The following PDE10A variants were observed in gnomAD, a reference collection of about 807,000 sequenced individuals.
The protein encoded by PDE10A is phosphodiesterase 10A.
A neutral mutation model predicts 97.7 loss-of-function variants in PDE10A; 39 were observed. The observed-to-expected ratio is 0.40, with a 90% CI of 0.31 to 0.52. The LOEUF is 0.52. PDE10A is among the 20% of genes least tolerant of loss of function. The pLI, the probability that PDE10A is intolerant of heterozygous loss-of-function variation, is 0.56. For missense variants in PDE10A, 731 were observed against 1,047.8 expected (o/e 0.70, Z 4.17); for synonymous variants, 371 against 376.8 (o/e 0.98, Z 0.18).
At chr6:165,695,401 G>A (rs767729311) in intron 1 of PDE10A, among the ~76,000 whole-genome samples, 24 of 152,282 alleles carry the variant, frequency 1.6e-4, no homozygotes, top group Non-Finnish European at 2.9e-4. Flanking sequence ...CCAGCTCAGG[G>A]AGGTGGGGAG....
chr6:165,805,752 A>C (rs1465620869), intron 1 of PDE10A, among the ~76,000 whole-genome samples: 1 of 152,076 alleles, frequency 6.6e-6, no homozygotes, highest in Non-Finnish European at 1.5e-5. Flanking sequence ...AGGTAAAAGA[A>C]CTGCTGCCTT....
chr6:165,567,570 ATTAC>A (rs1160248121), intron 1 of PDE10A, among the ~76,000 whole-genome samples: 2 of 152,176 alleles, frequency 1.3e-5, no homozygotes, highest in African/African-American at 4.8e-5. Flanking sequence ...ACACCTGCTT[ATTAC>A]TTCTACTATG....
chr6:165,852,083 A>G lies in PDE10A; in HGVS notation c.-615+135446T>C, dbSNP rs114445152. 7.9e-3 allele frequency among the ~76,000 whole-genome samples: 1,204 copies of G among 152,336 alleles called. 22 individuals are homozygous for G. The highest frequency in any genetic ancestry group is 0.028 in the African/African-American group (1,151 of 41,570). ...TGCATAATCCAAGCCAGTTTTCACA[A>G]TGGCCTTTCCCCCCTTTCTCTTTTT... is the stretch of plus-strand genomic sequence containing the variant. On this transcript the variant is annotated intron_variant, in intron 1 of 19. Transcript: ENST00000366882.
chr6:165,765,367 C>T (rs1447991421), intron 1 of PDE10A, among the ~76,000 whole-genome samples: 1 of 152,240 alleles, frequency 6.6e-6, no homozygotes, highest in Non-Finnish European at 1.5e-5. Flanking sequence ...TCGGGCTGCA[C>T]AGGAGCCCAC....
intron 1 of PDE10A, among the ~76,000 whole-genome samples, chr6:165,768,587 T>C (rs1170576311): frequency 6.6e-6 from 1 of 152,192 alleles, no homozygotes; most frequent in African/African-American, 2.4e-5. Context: ...GGAAGAATCC[T>C]ATCATATGGT....
chr6:165,972,923 C>G (rs1192491094), intron 1 of PDE10A, among the ~76,000 whole-genome samples: 1 of 152,012 alleles, frequency 6.6e-6, no homozygotes, highest in Non-Finnish European at 1.5e-5. Context: ...TGTACAACAC[C>G]AGCTCATTCT....
intron 1 of PDE10A, among the ~76,000 whole-genome samples, chr6:165,583,352 A>G (rs1040498157): frequency 3.9e-5 from 6 of 152,214 alleles, no homozygotes; most frequent in Non-Finnish European, 8.8e-5. Context: ...GTTTACAAGT[A>G]AAACAGTCAG....
At chr6:165,704,267 T>G (rs1381667062) in intron 1 of PDE10A, among the ~76,000 whole-genome samples, 2 of 152,104 alleles carry the variant, frequency 1.3e-5, no homozygotes, top group Non-Finnish European at 2.9e-5. Flanking sequence ...CTGGTGCTCC[T>G]TCAAAGAGAG....
chr6:165,827,779 A>G (rs751127708), intron 1 of PDE10A, among the ~76,000 whole-genome samples: 3 of 152,104 alleles, frequency 2.0e-5, no homozygotes, highest in African/African-American at 4.8e-5. Flanking sequence ...GCTGCACCCA[A>G]TATGTTGTCT....
At chr6:165,656,236 A>ACTCTCTCT (rs750085509) in intron 1 of PDE10A, among the ~76,000 whole-genome samples, 10 of 126,016 alleles carry the variant, frequency 7.9e-5, no homozygotes, top group African/African-American at 2.8e-4. Flanking sequence ...TCCAACCCCA[A>ACTCTCTCT]CTCTCTCTCT....
rs1002717692 is a variant in PDE10A, at chr6:165,671,915, A to T, written c.-614-128347T>A. Among the ~76,000 whole-genome samples the T allele has an allele frequency of 1.3e-5, 2 of 152,358 alleles. No homozygotes were observed. Among genetic ancestry groups the T allele is most frequent in the African/African-American group, 4.8e-5 (2 of 41,576 alleles). On this transcript the variant is annotated intron_variant, in intron 1 of 19. Transcript: ENST00000366882. This position sits in a 1 kb window ranked among gnomAD's most constrained non-coding sequence, Gnocchi z 4.6. ...TTTACACATTAAATATCTCTATTTT[A>T]TAGCGAAGTTATTAATATATGCCAT... is the stretch of plus-strand genomic sequence containing the variant.
chr6:165,880,810 A>G lies in PDE10A; in HGVS notation c.-615+106719T>C, dbSNP rs1027914616. 5.9e-5 allele frequency among the ~76,000 whole-genome samples: 9 copies of G among 152,242 alleles called. 1 individual carries two copies. Among genetic ancestry groups the G allele is most frequent in the Admixed American group, 5.9e-4 (9 of 15,288 alleles). On this transcript the variant is annotated intron_variant, in intron 1 of 19. Transcript: ENST00000366882. The stretch of plus-strand genomic sequence containing the variant: ...TGGTTAAGTTTGGCAAAATGCTACA[A>G]GTGATTTATCAAACCTTCTGGGCTC...
At chr6:165,623,496 G>A (rs1187606626) in intron 1 of PDE10A, among the ~76,000 whole-genome samples, 1 of 121,726 alleles carries the variant, frequency 8.2e-6, no homozygotes, top group Non-Finnish European at 1.8e-5. Context: ...ATGACAGAGG[G>A]AGAGAGAGAG....
chr6:165,741,392 A>G (rs1356568733), intron 1 of PDE10A, among the ~76,000 whole-genome samples: 1 of 152,204 alleles, frequency 6.6e-6, no homozygotes, highest in Non-Finnish European at 1.5e-5. Context: ...TTCCTTGGTT[A>G]AAATAAAAAT....
chr6:165,859,881 C>T (rs1398540104), intron 1 of PDE10A, among the ~76,000 whole-genome samples: 2 of 152,142 alleles, frequency 1.3e-5, no homozygotes, highest in Non-Finnish European at 1.5e-5. Context: ...GAATTAATGG[C>T]ATTCTCAGCA....
At chr6:165,859,960 G>A (rs1301423988) in intron 1 of PDE10A, among the ~76,000 whole-genome samples, 1 of 152,104 alleles carries the variant, frequency 6.6e-6, no homozygotes, top group Non-Finnish European at 1.5e-5. Context: ...AACATCATAT[G>A]TTCTCAATGC....
intron 1 of PDE10A, among the ~76,000 whole-genome samples, chr6:165,820,609 G>C (rs1779542147): frequency 1.3e-5 from 2 of 152,210 alleles, no homozygotes; most frequent in African/African-American, 4.8e-5. Context: ...CCCAGCGTCT[G>C]GTCCTCCTGC....
In PDE10A at chr6:165,370,250, G is replaced by T. The variant is rs1362699136; in HGVS notation, c.2783+8944C>A. Among the ~76,000 whole-genome samples, 9 of 150,556 alleles carry T rather than the reference G, an allele frequency of 6.0e-5. No individual in the cohort carries two copies. In the East Asian group the frequency reaches 1.8e-3, roughly 30 times the overall value. On this transcript the variant is annotated intron_variant, in intron 18 of 21. Coordinates refer to ENST00000539869, the MANE Select transcript of PDE10A (RefSeq NM_001385079.1). ...ACAATATTAACTTTAAATGTAAATG[G>T]ACTAAATGCTCCAATTAAAAGACAC...
chr6:165,659,612 C>T (rs9365904), intron 1 of PDE10A, among the ~76,000 whole-genome samples: 72,103 of 152,070 alleles, frequency 0.47, 19,694 homozygotes, highest in Middle Eastern at 0.61. Flanking sequence ...CAGTCATGTC[C>T]CAAATAAGAC....
Sources: allele counts gnomAD v4.1 joint callset (sites outside exome capture counted in the v4.1 genomes callset), GRCh38; gene constraint gnomAD v4.1.1; non-coding constraint Gnocchi (gnomAD v3.1); transcripts MANE v1.5; gene names NCBI Gene and HGNC (gene_info 2026-07-23, HGNC 2026-07-21).